VPS13D: variants seen among roughly 807,000 people sequenced by gnomAD.
The protein encoded by VPS13D is intermembrane lipid transfer protein VPS13D.
VPS13D carries 187 observed loss-of-function variants against 461.9 expected under a neutral mutation model. The observed-to-expected ratio is 0.40, with a 90% CI of 0.36 to 0.46. The LOEUF is 0.46. VPS13D is among the 20% of genes least tolerant of loss of function. The pLI is 0.60. For synonymous variants in VPS13D, 1,951 were observed against 1,986.3 expected, an observed-to-expected ratio of 0.98 and a Z score of 0.47; for missense variants, 4,711 against 5,364.9, an observed-to-expected ratio of 0.88 and a Z score of 3.81.
chr1:12,295,222 CA>C (rs112447551), intron 24 of VPS13D, among the ~76,000 whole-genome samples: 10,838 of 73,020 alleles, frequency 0.15, 830 homozygotes, highest in African/African-American at 0.29. Context: ...CACCATGACT[CA>C]AAAAAAAAAA....
intron 13 of VPS13D, 71 bp downstream of exon 13, chr1:12,262,151 A>G: frequency 1.3e-6 from 2 of 1,507,352 alleles, no homozygotes; most frequent in Non-Finnish European, 1.8e-6. Flanking sequence ...GATTCTCATT[A>G]TTTGCTGTGG....
chr1:12,247,868 TAA>T (rs1364176022), intron 5 of VPS13D, among the ~76,000 whole-genome samples: 1 of 151,380 alleles, frequency 6.6e-6, no homozygotes, highest in Non-Finnish European at 1.5e-5. Context: ...CATGCCTGGC[TAA>T]GTTTTGTATT....
chr1:12,255,733 AT>A (rs1251931783), intron 7 of VPS13D, among the ~76,000 whole-genome samples: 1 of 151,962 alleles, frequency 6.6e-6, no homozygotes, highest in Non-Finnish European at 1.5e-5. Flanking sequence ...TGTACTAAAA[AT>A]AAAAAAATTA....
chr1:12,363,301 G>C, intron 52 of VPS13D, 54 bp downstream of exon 52: 2 of 1,564,734 alleles, frequency 1.3e-6, no homozygotes, highest in Non-Finnish European at 1.7e-6. Context: ...TTGAGATGCA[G>C]TACTGTAATA....
At chr1:12,498,421 C>T (rs1373800026) in intron 68 of VPS13D, among the ~76,000 whole-genome samples, 1 of 152,114 alleles carries the variant, frequency 6.6e-6, no homozygotes, top group Non-Finnish European at 1.5e-5. Context: ...GGATAGTCTT[C>T]AGAGTCATTG....
intron 44 of VPS13D, among the ~76,000 whole-genome samples, chr1:12,347,192 A>G (rs1264287215): frequency 6.6e-6 from 1 of 150,706 alleles, no homozygotes; most frequent in Non-Finnish European, 1.5e-5. Context: ...TTTTTTTGAG[A>G]CGGAGTCTCG....
At chr1:12,433,801 C>T (rs978397870) in intron 65 of VPS13D, among the ~76,000 whole-genome samples, 1 of 152,152 alleles carries the variant, frequency 6.6e-6, no homozygotes, top group Non-Finnish European at 1.5e-5. Context: ...CAGGCCTGCA[C>T]TTAGACCCCA....
At chr1:12,487,904 T>C (rs1274673747) in intron 67 of VPS13D, among the ~76,000 whole-genome samples, 5 of 152,258 alleles carry the variant, frequency 3.3e-5, no homozygotes, top group Non-Finnish European at 7.3e-5. Flanking sequence ...ATGGCACTTT[T>C]CTAAAACTTC....
chr1:12,261,172 C>T (rs1557670546), intron 12 of VPS13D, 23 bp downstream of exon 12: 2 of 1,612,004 alleles, frequency 1.2e-6, no homozygotes, highest in Non-Finnish European at 1.7e-6. Flanking sequence ...CTGGCCTTCA[C>T]TTGATTCAAA....
Position 12,279,753 on chromosome 1 carries a change from C to A in VPS13D, c.4602+103C>A. 3 of 1,034,110 alleles carry A rather than the reference C, an allele frequency of 2.9e-6. No individual in the cohort carries two copies. Among genetic ancestry groups the A allele is most frequent in the South Asian group, 3.2e-5 (1 of 31,558 alleles). 64.1% of individuals were successfully genotyped at this position (1,034,110 alleles called of 1,614,324 possible). Reference sequence around the variant, plus strand: ...ACATGTTGGAAGGAATATATATTTTCAAAGATATATCACCCATGCATAATA... The same window carrying A: ...ACATGTTGGAAGGAATATATATTTTAAAAGATATATCACCCATGCATAATA... On this transcript the variant is annotated intron_variant, in intron 20 of 69. Transcript: ENST00000620676. This position sits in a 1 kb window ranked among gnomAD's most constrained non-coding sequence, Gnocchi z 4.3.
chr1:12,361,999 A>AGTAG (rs1354264967), intron 50 of VPS13D, among the ~76,000 whole-genome samples: 1 of 152,164 alleles, frequency 6.6e-6, no homozygotes, highest in Non-Finnish European at 1.5e-5. Flanking sequence ...AGTAGCTGAG[A>AGTAG]CTACAGGTGC....
chr1:12,237,927 G>A (rs539931102), intron 2 of VPS13D, among the ~76,000 whole-genome samples: 15 of 151,924 alleles, frequency 9.9e-5, no homozygotes, highest in East Asian at 1.9e-4. Context: ...AGGCCAAGGC[G>A]GGCATATCAC....
intron 63 of VPS13D, 43 bp from the exon 64 acceptor site, chr1:12,415,044 A>G (rs1381101077): frequency 1.2e-6 from 2 of 1,606,316 alleles, no homozygotes; most frequent in Non-Finnish European, 1.7e-6. Flanking sequence ...ACAGAAGGCC[A>G]TCATATGACT....
At chr1:12,402,159 T>C (rs539550879) in intron 62 of VPS13D, among the ~76,000 whole-genome samples, 1 of 152,354 alleles carries the variant, frequency 6.6e-6, no homozygotes, top group South Asian at 2.1e-4. Context: ...TAGCCTCAAT[T>C]CATTAACTTT....
chr1:12,416,786 A>G lies in VPS13D; in HGVS notation c.12292A>G (p.Ile4098Val), dbSNP rs1210879803. Residue 4098 changes from isoleucine (I) to valine (V), a missense_variant, in exon 65 of 70, where the codon ATC becomes GTC. Transcript: ENST00000620676. ...AAAATATGGAAATGTCGGGGGCCTC[A>G]TCAGAAATGTTACACACGGAGTATC... ...LIKYGNVGGLIRNVTHGVSNS... is the reference protein window; with the variant it reads ...LIKYGNVGGLVRNVTHGVSNS... 1.2e-6 allele frequency: 2 copies of G among 1,613,778 alleles called. No homozygotes were observed. The highest frequency in any genetic ancestry group is 2.2e-5 in the South Asian group (2 of 90,944).
At chr1:12,321,340 TG>T (rs574266172) in intron 32 of VPS13D, among the ~76,000 whole-genome samples, 330 of 152,294 alleles carry the variant, frequency 2.2e-3, no homozygotes, top group Non-Finnish European at 3.5e-3. Context: ...TCCTTAAAGT[TG>T]GGGAGTAACA....
At position 12,509,356 on chromosome 1, in the gene VPS13D, G is replaced by T; in HGVS notation, c.*332G>T. ...ACAACAGTGTGTTTGTAAATATATA[G>T]GAACGTTTCTGAACAGGGTCTGTGC... is the stretch of plus-strand genomic sequence containing the variant. On this transcript the variant is annotated 3_prime_UTR_variant, in exon 70 of 70. Coordinates refer to ENST00000620676, the MANE Select transcript of VPS13D (RefSeq NM_015378.4). 4.7e-6 allele frequency: 1 copy of T among 213,156 alleles called. No homozygotes were observed. The highest frequency in any genetic ancestry group is 9.3e-6 in the Non-Finnish European group (1 of 107,778). The allele number at this position is 213,156 out of a possible 1,614,324, so 13.2% of individuals were successfully genotyped here.
intron 13 of VPS13D, among the ~76,000 whole-genome samples, chr1:12,264,173 A>G (rs984974576): frequency 4.6e-5 from 7 of 152,146 alleles, no homozygotes; most frequent in Admixed American, 1.3e-4. Context: ...GTATGTTCCA[A>G]CTGCTCCACC....
rs773288231 is a variant in VPS13D at position 12,335,815 on chromosome 1, T to C, written c.8539T>C (p.Cys2847Arg). ...DWMGSSVDPP[C>R]FGQSLPLVYL... ...GATGGGCTCTTCGGTGGATCCTCCA[T>C]GTTTTGGACAAAGTAAGAGTTTTCA... The change falls in exon 39 of 70, where the codon TGT (cysteine) becomes CGT (arginine). Residue 2847 changes from cysteine to arginine, a missense_variant. Cys to Arg is a radical substitution (Grantham distance 180). This residue lies in a region of VPS13D where 4,411 missense variants were observed against 4,937.8 expected (regional missense o/e 0.89). Transcript: ENST00000620676. 2 of 1,614,148 alleles carry C rather than the reference T, an allele frequency of 1.2e-6. No homozygotes were observed. The highest frequency in any genetic ancestry group is 1.7e-6 in the Non-Finnish European group (2 of 1,179,968).
Sources: gnomAD v4.1 joint callset for allele counts (sites outside exome capture counted in the v4.1 genomes callset) on GRCh38, gnomAD v4.1.1 for gene constraint, gnomAD v4.1.1 regional missense constraint, Gnocchi (gnomAD v3.1) non-coding constraint, MANE v1.5 for transcripts, NCBI Gene and HGNC (gene_info 2026-07-23, HGNC 2026-07-21) for gene names.